The following PTGES3 variants were observed in gnomAD, a reference collection of about 807,000 sequenced individuals.
The protein encoded by PTGES3 is Hsp90 co-chaperone.
In PTGES3, 5 loss-of-function variants were observed where a neutral mutation model predicts 29.9. The observed-to-expected ratio is 0.17, with a 90% CI of 0.09 to 0.35. PTGES3 has a LOEUF of 0.35. Among genes scored for constraint, PTGES3 ranks in the 10% least tolerant of loss-of-function variants. The pLI, the probability that PTGES3 is intolerant of heterozygous loss-of-function variation, is 1.00. For missense variants in PTGES3, 128 were observed against 190.0 expected (o/e 0.67, Z 1.92); for synonymous variants, 49 against 57.8 (o/e 0.85, Z 0.69).
chr12:56,666,666 C>T (rs989361751), intron 5 of PTGES3, among the ~76,000 whole-genome samples: 11 of 151,994 alleles, frequency 7.2e-5, no homozygotes, highest in Non-Finnish European at 1.2e-4. Flanking sequence ...CTAGCTTTGT[C>T]GTCCAAGCTG....
chr12:56,688,149 G>A lies in PTGES3; in HGVS notation c.-150C>T, dbSNP rs1367927449. The A allele has an allele frequency of 3.7e-6, 5 of 1,367,392 alleles. No individual in the cohort carries two copies. The highest frequency in any genetic ancestry group is 4.7e-6 in the Non-Finnish European group (5 of 1,056,230). 84.7% of individuals were successfully genotyped at this position (1,367,392 alleles called of 1,614,324 possible). On this transcript the variant is annotated 5_prime_UTR_variant, in exon 1 of 8. Coordinates refer to ENST00000262033, the MANE Select transcript of PTGES3 (RefSeq NM_006601.7). ...CTTCCCTCAGGCGACGGCGGCAGCG[G>A]CGGGCTCGACCTCGGGCCCCAGAAT...
chr12:56,664,985 G>T, intron 6 of PTGES3, 185 bp from the exon 7 acceptor site: 1 of 985,440 alleles, frequency 1.0e-6, no homozygotes, highest in South Asian at 4.7e-5. Context: ...ATGTACAGCA[G>T]AGGATTTATC....
At chr12:56,673,522 G>C (rs1256250436) in intron 1 of PTGES3, among the ~76,000 whole-genome samples, 1 of 143,598 alleles carries the variant, frequency 7.0e-6, no homozygotes, top group East Asian at 2.0e-4. Flanking sequence ...AGCAGGGTAC[G>C]GTGGCTCACG....
Position 56,666,388 on chromosome 12 carries a change from T to C in PTGES3, c.376-122A>G, listed in dbSNP as rs542342375. The C allele has an allele frequency of 2.0e-5, 23 of 1,175,406 alleles. No individual in the cohort carries two copies. In the Admixed American group the frequency reaches 2.5e-4, roughly 13 times the overall value. 72.8% of individuals were successfully genotyped at this position (1,175,406 alleles called of 1,614,324 possible). On this transcript the variant is annotated intron_variant, in intron 5 of 7. Transcript: ENST00000262033. The stretch of plus-strand genomic sequence containing the variant: ...GATATCAAAAAATGCAAAATGCAAA[T>C]ATAAGCATCTTTCCCTTCTGGAAAA...
At chr12:56,677,877 T>A (rs578071831) in intron 1 of PTGES3, among the ~76,000 whole-genome samples, 62 of 152,320 alleles carry the variant, frequency 4.1e-4, no homozygotes, top group Non-Finnish European at 7.8e-4. Context: ...AAGGTAGTTG[T>A]GAGTTCCTCC....
At chr12:56,664,987 G>A (rs937656961) in intron 6 of PTGES3, 187 bp from the exon 7 acceptor site, 3 of 985,340 alleles carry the variant, frequency 3.0e-6, no homozygotes, top group Non-Finnish European at 3.6e-6. Flanking sequence ...GTACAGCAGA[G>A]GATTTATCTA....
At chr12:56,671,286 T>C (rs1009774790) in intron 4 of PTGES3, among the ~76,000 whole-genome samples, 1 of 151,964 alleles carries the variant, frequency 6.6e-6, no homozygotes, top group African/African-American at 2.4e-5. Flanking sequence ...CAGTCCCAGC[T>C]ACTTGGGGGA....
At chr12:56,677,310 T>C (rs1952302081) in intron 1 of PTGES3, among the ~76,000 whole-genome samples, 1 of 152,102 alleles carries the variant, frequency 6.6e-6, no homozygotes, top group South Asian at 2.1e-4. Context: ...CTTTCACCTT[T>C]GTATCTTAGA....
chr12:56,686,612 G>A (rs564895675), intron 1 of PTGES3, among the ~76,000 whole-genome samples: 132 of 151,896 alleles, frequency 8.7e-4, no homozygotes, highest in African/African-American at 3.1e-3. Flanking sequence ...CCCGACCTCA[G>A]GTGATCCGCC....
chr12:56,667,961 A>C (rs1385244983), intron 5 of PTGES3, among the ~76,000 whole-genome samples: 1 of 152,136 alleles, frequency 6.6e-6, no homozygotes, highest in Non-Finnish European at 1.5e-5. Context: ...TACAAAAATT[A>C]GCCGGGCATG....
In PTGES3 at chr12:56,688,233, G is replaced by T. The variant is rs1314126625; in HGVS notation, c.-234C>A. On this transcript the variant is annotated 5_prime_UTR_variant, in exon 1 of 8. Coordinates refer to ENST00000262033, the MANE Select transcript of PTGES3 (RefSeq NM_006601.7). Reference sequence around the variant, plus strand: ...GGAGAAGAGGAAAGTGTAGGAAAAGGGGCGCGAGGACGGAGAATGAACGTG... The same window carrying T: ...GGAGAAGAGGAAAGTGTAGGAAAAGTGGCGCGAGGACGGAGAATGAACGTG... 5 of 685,256 alleles carry T rather than the reference G, an allele frequency of 7.3e-6. No individual in the cohort carries two copies. The highest frequency in any genetic ancestry group is 1.1e-5 in the Non-Finnish European group (5 of 459,440). The allele number at this position is 685,256 out of a possible 1,614,324, so 42.4% of individuals were successfully genotyped here.
intron 2 of PTGES3, 56 bp from the exon 3 acceptor site, chr12:56,672,865 ATAAC>A (rs1555218709): frequency 1.3e-6 from 2 of 1,550,900 alleles, no homozygotes; most frequent in South Asian, 1.2e-5. Flanking sequence ...AAGATTAATA[ATAAC>A]TTCAATGAAA....
At position 56,672,927 on chromosome 12, in the gene PTGES3, T is replaced by A. The variant is rs200657529; in HGVS notation, c.116+25A>T. 1.3e-5 allele frequency: 20 copies of A among 1,579,618 alleles called. No individual in the cohort carries two copies. The African/African-American group carries it at 2.6e-4, about 20-fold the overall frequency. On this transcript the variant is annotated intron_variant, in intron 2 of 7. Coordinates refer to ENST00000262033, the MANE Select transcript of PTGES3 (RefSeq NM_006601.7). The stretch of plus-strand genomic sequence containing the variant: ...CAGTTGTGTGAATGACTATTTTACA[T>A]CATTGGATAAAAAGCTTAACTTACC...
intron 1 of PTGES3, 58 bp from the exon 2 acceptor site, chr12:56,673,123 T>TA: frequency 8.4e-7 from 1 of 1,188,478 alleles, no homozygotes; most frequent in East Asian, 2.4e-5. Flanking sequence ...AACATTCACA[T>TA]ACTAACCTTC....
rs1565855650 is a variant in PTGES3, at chr12:56,664,042, C to CCTACT, written c.*436_*437insAGTAG. On this transcript the variant is annotated 3_prime_UTR_variant, in exon 8 of 8. Coordinates refer to ENST00000262033, the MANE Select transcript of PTGES3 (RefSeq NM_006601.7). ...ATAACACCAGAAGAATAGCAGGTTA[C>CCTACT]CAGTAAGGTGTCAGCCAATTTGTTC... 6.5e-6 allele frequency: 1 copy of CCTACT among 154,796 alleles called. No homozygotes were observed. Among genetic ancestry groups the CCTACT allele is most frequent in the Non-Finnish European group, 1.4e-5 (1 of 70,908 alleles). 9.6% of individuals were successfully genotyped at this position (154,796 alleles called of 1,614,324 possible).
chr12:56,680,546 T>C (rs982044674), intron 1 of PTGES3, among the ~76,000 whole-genome samples: 1 of 151,918 alleles, frequency 6.6e-6, no homozygotes. Flanking sequence ...CCGTCAGGCC[T>C]AGCAATTTTT....
intron 6 of PTGES3, 122 bp downstream of exon 6, chr12:56,666,082 C>G: frequency 6.4e-6 from 9 of 1,404,290 alleles, no homozygotes; most frequent in Non-Finnish European, 8.4e-6. Flanking sequence ...TTGCTTTTCC[C>G]TTTTCTTTTT....
intron 3 of PTGES3, among the ~76,000 whole-genome samples, chr12:56,672,394 T>G (rs1413465154): frequency 6.6e-6 from 1 of 152,130 alleles, no homozygotes; most frequent in Non-Finnish European, 1.5e-5. Flanking sequence ...CTCCAGAGGC[T>G]GAGGCAGGAG....
chr12:56,669,261 C>T (rs921160040), intron 5 of PTGES3, among the ~76,000 whole-genome samples: 2 of 152,050 alleles, frequency 1.3e-5, no homozygotes, highest in Admixed American at 6.6e-5. Context: ...ATAGCGATCT[C>T]GGCTCACCGC....
Sources: gnomAD v4.1 joint callset for allele counts (sites outside exome capture counted in the v4.1 genomes callset) on GRCh38, gnomAD v4.1.1 for gene constraint, MANE v1.5 for transcripts, NCBI Gene and HGNC (gene_info 2026-07-23, HGNC 2026-07-21) for gene names.